SLC38A8: variants seen among roughly 807,000 people sequenced by gnomAD.
SLC38A8 encodes solute carrier family 38 member 8.
Under a neutral mutation model 46.0 loss-of-function variants are expected in SLC38A8, and 65 were observed. The ratio of observed to expected loss-of-function variants is 1.41; its 90% CI spans 1.16 to 1.74. SLC38A8 has a LOEUF of 1.74. Ranked by LOEUF, SLC38A8 falls within the 40% of genes most tolerant of loss-of-function variation. The pLI is 0.00. For synonymous variants in SLC38A8, 447 were observed against 243.7 expected (o/e 1.83, Z -7.77); for missense variants, 998 against 567.9 (o/e 1.76, Z -7.70).
chr16:84,017,319 T>C, intron 7 of SLC38A8, 32 bp from the exon 8 acceptor site: 1 of 1,611,374 alleles, frequency 6.2e-7, no homozygotes, highest in Non-Finnish European at 8.5e-7. Flanking sequence ...AGCCACAGAG[T>C]GGATTAGGAA....
At chr16:84,019,881 T>C (rs2085075195) in intron 7 of SLC38A8, among the ~76,000 whole-genome samples, 1 of 152,214 alleles carries the variant, frequency 6.6e-6, no homozygotes. Flanking sequence ...AGCTGGAGGA[T>C]CATCTGTTTT....
chr16:84,028,779 G>A (rs949207848), intron 6 of SLC38A8, among the ~76,000 whole-genome samples: 3 of 148,004 alleles, frequency 2.0e-5, no homozygotes, highest in Non-Finnish European at 4.4e-5. Flanking sequence ...CGCTCACATC[G>A]GTGACCCACC....
intron 2 of SLC38A8, among the ~76,000 whole-genome samples, chr16:84,041,672 G>A (rs118156591): frequency 0.06 from 9,187 of 152,152 alleles, 406 homozygotes; most frequent in Non-Finnish European, 0.092. Context: ...CAGGCAGGGC[G>A]CCCAGAGAGG....
At chr16:84,018,590 C>A (rs2085059461) in intron 7 of SLC38A8, among the ~76,000 whole-genome samples, 1 of 152,060 alleles carries the variant, frequency 6.6e-6, no homozygotes, top group South Asian at 2.1e-4. Context: ...ACCCATTAAT[C>A]CATTAAGCCC....
chr16:84,031,826 C>G, intron 5 of SLC38A8, 41 bp downstream of exon 5: 1 of 1,572,130 alleles, frequency 6.4e-7, no homozygotes, highest in Non-Finnish European at 8.7e-7. Flanking sequence ...CCTGCCGTGC[C>G]TCCCCGCCGA....
Position 84,016,617 on chromosome 16 carries a change from A to T in SLC38A8, c.1064T>A (p.Val355Asp). ...CAGCGCCATGGCGAGCGTCACGGTGACCCACAGGATGGTCAGCGGCATCCG... is the reference window on the plus strand; with the variant it reads ...CAGCGCCATGGCGAGCGTCACGGTGTCCCACAGGATGGTCAGCGGCATCCG... Reference protein sequence around the residue: ...WVRMPLTILWVTVTLAMALFM... With the variant: ...WVRMPLTILWDTVTLAMALFM... Residue 355 changes from valine (V) to aspartate (D), a missense_variant, in exon 9 of 11, where the codon GTC (valine) becomes GAC (aspartate). Val to Asp is a radical substitution (Grantham distance 152). Transcript: ENST00000299709. 1.2e-6 allele frequency: 2 copies of T among 1,613,928 alleles called. No individual in the cohort carries two copies. The highest frequency in any genetic ancestry group is 2.2e-5 in the South Asian group (2 of 91,088).
At chr16:84,026,071 T>C (rs974775187) in intron 6 of SLC38A8, among the ~76,000 whole-genome samples, 4 of 152,222 alleles carry the variant, frequency 2.6e-5, no homozygotes, top group Non-Finnish European at 5.9e-5. Flanking sequence ...GCACGGCAGA[T>C]GCCCCGAGGT....
intron 6 of SLC38A8, among the ~76,000 whole-genome samples, chr16:84,027,622 C>T (rs2085180960): frequency 6.6e-6 from 1 of 152,154 alleles, no homozygotes. Flanking sequence ...CCTTCAGTTA[C>T]ATTTATTCTC....
At chr16:84,023,848 C>T (rs1427507229) in intron 6 of SLC38A8, among the ~76,000 whole-genome samples, 1 of 152,206 alleles carries the variant, frequency 6.6e-6, no homozygotes, top group Non-Finnish European at 1.5e-5. Context: ...GAGCCAAGAT[C>T]GTGCCACTGC....
chr16:84,031,295 C>T (rs573845261), intron 5 of SLC38A8, among the ~76,000 whole-genome samples: 4 of 152,320 alleles, frequency 2.6e-5, no homozygotes, highest in Admixed American at 1.3e-4. Context: ...CCTGCCTCAG[C>T]CTCCCAAAGT....
At chr16:84,023,685 GGAGTTT>G (rs201807053) in intron 6 of SLC38A8, among the ~76,000 whole-genome samples, 2,052 of 152,320 alleles carry the variant, frequency 0.013, 55 homozygotes, top group East Asian at 0.062. Flanking sequence ...CTTGAGGTCA[GGAGTTT>G]GAGACCAGCC....
chr16:84,021,708 C>A (rs995729237), intron 7 of SLC38A8, among the ~76,000 whole-genome samples: 1 of 152,238 alleles, frequency 6.6e-6, no homozygotes, highest in Non-Finnish European at 1.5e-5. Flanking sequence ...ACACCCCACT[C>A]TTGATACCAA....
At chr16:84,021,624 C>G (rs2085097365) in intron 7 of SLC38A8, among the ~76,000 whole-genome samples, 1 of 152,220 alleles carries the variant, frequency 6.6e-6, no homozygotes, top group African/African-American at 2.4e-5. Flanking sequence ...CTAGCCTGCT[C>G]CTCCGAATTC....
At chr16:84,011,840 C>A (rs11862888) in intron 10 of SLC38A8, among the ~76,000 whole-genome samples, 1 of 151,918 alleles carries the variant, frequency 6.6e-6, no homozygotes. Flanking sequence ...GCCACAATTA[C>A]GCCACTGCAC....
At chr16:84,031,774 G>C (rs1008523062) in intron 5 of SLC38A8, 93 bp downstream of exon 5, 1 of 1,079,458 alleles carries the variant, frequency 9.3e-7, no homozygotes, top group African/African-American at 1.6e-5. Context: ...TCTGCAGTGA[G>C]CCACGAGAGG....
chr16:84,016,896 C>T (rs937700373), intron 8 of SLC38A8, 169 bp from the exon 9 acceptor site: 3 of 993,914 alleles, frequency 3.0e-6, no homozygotes, highest in African/African-American at 3.3e-5. Context: ...GGTTCTGCCA[C>T]CATCGGGCAG....
chr16:84,016,304 T>A (rs9938112), intron 9 of SLC38A8, among the ~76,000 whole-genome samples: 22 of 152,202 alleles, frequency 1.4e-4, no homozygotes, highest in Middle Eastern at 6.8e-3. Context: ...CAACCAAACC[T>A]CATCAGGAGC....
Position 84,042,083 on chromosome 16 carries a change from G to C in SLC38A8, c.75C>G (p.Ser25=). 6.2e-7 allele frequency: 1 copy of C among 1,614,090 alleles called. No individual in the cohort carries two copies. The highest frequency in any genetic ancestry group is 8.5e-7 in the Non-Finnish European group (1 of 1,180,006). ...TGAGGATGAAGACAGCGCCCATCGA[G>C]GACAGAGTGGCAGCAGCCGTGGCAG... ...PHPATAAATL[S]SMGAVFILMK... is the part of the protein sequence containing the mutation. The change falls in exon 2 of 11, where the codon TCC becomes TCG. Residue 25 remains serine (S), a synonymous_variant. Coordinates refer to ENST00000299709, the MANE Select transcript of SLC38A8 (RefSeq NM_001080442.3).
At chr16:84,013,422 G>GTT (rs369454720) in intron 9 of SLC38A8, among the ~76,000 whole-genome samples, 1,853 of 108,086 alleles carry the variant, frequency 0.017, 58 homozygotes, top group Non-Finnish European at 0.024. Context: ...TGTTGTGTGT[G>GTT]TGTTTTTTTT....
Sources: allele counts gnomAD v4.1 joint callset (sites outside exome capture counted in the v4.1 genomes callset), GRCh38; gene constraint gnomAD v4.1.1; transcripts MANE v1.5; gene names NCBI Gene and HGNC (gene_info 2026-07-23, HGNC 2026-07-21).